TTLL7: variants seen among roughly 807,000 people sequenced by gnomAD.
TTLL7 encodes tubulin polyglutamylase TTLL7.
TTLL7 carries 53 observed loss-of-function variants against 120.2 expected under a neutral mutation model. The ratio of observed to expected loss-of-function variants is 0.44; its 90% CI spans 0.35 to 0.55. The LOEUF (loss-of-function observed/expected upper bound fraction) is 0.55, where lower values mean the gene tolerates loss of function less well. Ranked by LOEUF, TTLL7 falls within the 20% of genes least tolerant of loss-of-function variation. The probability of loss-of-function intolerance (pLI) is 0.00; values close to 1 mark genes in which losing one functional copy is unlikely to be tolerated. For missense variants in TTLL7, 803 were observed against 1,054.7 expected (o/e 0.76, Z 3.31); for synonymous variants, 353 against 351.7 (o/e 1.00, Z -0.04).
chr1:83,908,135 C>T (rs1467908418), intron 15 of TTLL7, among the ~76,000 whole-genome samples: 1 of 151,944 alleles, frequency 6.6e-6, no homozygotes. Flanking sequence ...CAATCCTGAC[C>T]CTATCTAATT....
chr1:83,956,952 G>T (rs1158086254), intron 1 of TTLL7, among the ~76,000 whole-genome samples: 1 of 152,104 alleles, frequency 6.6e-6, no homozygotes, highest in Non-Finnish European at 1.5e-5. Context: ...ATAAAATTTT[G>T]TATCAATATA....
chr1:83,888,682 AC>A (rs1427094411), intron 19 of TTLL7, among the ~76,000 whole-genome samples: 7 of 151,986 alleles, frequency 4.6e-5, no homozygotes, highest in Non-Finnish European at 8.8e-5. Context: ...GAAGAAAACG[AC>A]AAATTTTTAA....
intron 1 of TTLL7, among the ~76,000 whole-genome samples, chr1:83,974,700 A>G (rs979913789): frequency 3.3e-5 from 5 of 152,042 alleles, no homozygotes; most frequent in Non-Finnish European, 7.4e-5. Context: ...GATCTACTAC[A>G]TAATATCAAT....
intron 1 of TTLL7, among the ~76,000 whole-genome samples, chr1:83,956,450 G>C (rs111717759): frequency 1.5e-5 from 2 of 131,852 alleles, no homozygotes; most frequent in African/African-American, 5.5e-5. Flanking sequence ...TTTTTGACAC[G>C]AAGTTTTGCT....
chr1:83,913,997 C>T (rs977765937), intron 14 of TTLL7, among the ~76,000 whole-genome samples: 1 of 152,110 alleles, frequency 6.6e-6, no homozygotes, highest in African/African-American at 2.4e-5. Context: ...CCAGTGTTTC[C>T]CAAAGTGATG....
At chr1:83,957,041 T>A (rs1649593488) in intron 1 of TTLL7, among the ~76,000 whole-genome samples, 1 of 152,188 alleles carries the variant, frequency 6.6e-6, no homozygotes, top group Non-Finnish European at 1.5e-5. Context: ...AATGAAAGTA[T>A]AATATGGTAG....
chr1:83,900,350 GA>G (rs1656615390), intron 18 of TTLL7, among the ~76,000 whole-genome samples: 1 of 151,908 alleles, frequency 6.6e-6, no homozygotes, highest in Admixed American at 6.6e-5. Context: ...TAGAGGGATG[GA>G]AAAAATTATC....
intron 20 of TTLL7, among the ~76,000 whole-genome samples, chr1:83,870,909 C>CAA (rs746316204): frequency 8.5e-6 from 1 of 118,120 alleles, no homozygotes. Flanking sequence ...GACTTCATCT[C>CAA]AAAAAAAAAA....
At chr1:83,985,599 A>T (rs1052620339) in intron 1 of TTLL7, among the ~76,000 whole-genome samples, 1 of 152,188 alleles carries the variant, frequency 6.6e-6, no homozygotes, top group Admixed American at 6.5e-5. Flanking sequence ...AGTCACCAAC[A>T]TCAAAAATGA....
At chr1:83,964,757 A>G (rs552332590) in intron 1 of TTLL7, among the ~76,000 whole-genome samples, 1 of 152,280 alleles carries the variant, frequency 6.6e-6, no homozygotes, top group East Asian at 1.9e-4. Flanking sequence ...TCAATGAGAG[A>G]TACATTCAAG....
In TTLL7 at chr1:83,868,838, C is replaced by A. The variant is rs1653099784; in HGVS notation, c.*1124G>T. 6.6e-6 allele frequency: 1 copy of A among 151,908 alleles called. No individual in the cohort carries two copies. Among genetic ancestry groups the A allele is most frequent in the Non-Finnish European group, 1.5e-5 (1 of 67,996 alleles). 9.4% of individuals were successfully genotyped at this position (151,908 alleles called of 1,614,324 possible). On this transcript the variant is annotated 3_prime_UTR_variant, in exon 21 of 21. Coordinates refer to ENST00000260505, the MANE Select transcript of TTLL7 (RefSeq NM_024686.6). ...CCATATAGAAAGATTTTGTTACCATCATTTTCTGTTCCTTTATGTGATTAT... is the reference window on the plus strand; with the variant it reads ...CCATATAGAAAGATTTTGTTACCATAATTTTCTGTTCCTTTATGTGATTAT...
At chr1:83,984,840 G>A (rs1279704968) in intron 1 of TTLL7, among the ~76,000 whole-genome samples, 1 of 151,996 alleles carries the variant, frequency 6.6e-6, no homozygotes, top group South Asian at 2.1e-4. Flanking sequence ...CACTAAATGG[G>A]TTATGGGACT....
chr1:83,882,100 A>AG (rs1571039618), intron 20 of TTLL7, among the ~76,000 whole-genome samples: 1 of 77,028 alleles, frequency 1.3e-5, no homozygotes, highest in South Asian at 5.4e-4. Flanking sequence ...GGGTGGGGGG[A>AG]GGGGGGAGGG....
chr1:83,974,241 C>T (rs1027673830), intron 1 of TTLL7, among the ~76,000 whole-genome samples: 30 of 152,040 alleles, frequency 2.0e-4, no homozygotes, highest in African/African-American at 6.5e-4. Context: ...ATTACGAACA[C>T]ATATATCTAT....
At chr1:83,911,460 C>T in intron 14 of TTLL7, 97 bp from the exon 15 acceptor site, 1 of 963,432 alleles carries the variant, frequency 1.0e-6, no homozygotes, top group Non-Finnish European at 1.5e-6. Context: ...ATGCTTGCTG[C>T]TTTTTACTGA....
chr1:83,907,325 C>G, intron 16 of TTLL7, 131 bp downstream of exon 16: 1 of 767,502 alleles, frequency 1.3e-6, no homozygotes, highest in Non-Finnish European at 2.1e-6. Flanking sequence ...GGTGAATAAT[C>G]CAAATTTCAA....
intron 1 of TTLL7, among the ~76,000 whole-genome samples, chr1:83,957,738 T>G (rs568423510): frequency 6.6e-6 from 1 of 152,294 alleles, no homozygotes; most frequent in African/African-American, 2.4e-5. Context: ...TATTGAAGAT[T>G]TCGCAAAGAT....
At chr1:83,974,610 C>G (rs933299001) in intron 1 of TTLL7, among the ~76,000 whole-genome samples, 1 of 151,910 alleles carries the variant, frequency 6.6e-6, no homozygotes, top group African/African-American at 2.4e-5. Flanking sequence ...ATTTGGGTGT[C>G]AAGTGAATTA....
rs1187079075 is a variant in TTLL7 at position 83,867,735 on chromosome 1, T to TTAC, written c.*2226_*2227insGTA. The TTAC allele has an allele frequency of 1.1e-4, 16 of 148,926 alleles. No individual in the cohort carries two copies. Among genetic ancestry groups the TTAC allele is most frequent in the Non-Finnish European group, 6.0e-5 (4 of 66,910 alleles). The allele number at this position is 148,926 out of a possible 1,614,324, so 9.2% of individuals were successfully genotyped here. A position where few individuals can be genotyped will look rare whatever the true frequency, so the allele number is the denominator to read the frequency against. ...GCTGTTATCATATATCAGACACTTA[T>TTAC]ATATATATTTTTGTGGCCAAATCAT... On this transcript the variant is annotated 3_prime_UTR_variant, in exon 21 of 21. Coordinates refer to ENST00000260505, the MANE Select transcript of TTLL7 (RefSeq NM_024686.6).
Sources: allele counts gnomAD v4.1 joint callset (sites outside exome capture counted in the v4.1 genomes callset), GRCh38; gene constraint gnomAD v4.1.1; transcripts MANE v1.5; gene names NCBI Gene and HGNC (gene_info 2026-07-23, HGNC 2026-07-21).